The following LAMA2 variants were observed in gnomAD, a reference collection of about 807,000 sequenced individuals.
LAMA2 encodes laminin subunit alpha 2.
Under a neutral mutation model 364.8 loss-of-function variants are expected in LAMA2, and 269 were observed. That is an observed-to-expected ratio of 0.74 (90% CI 0.67 to 0.82). The LOEUF is 0.82. Ranked by LOEUF, LAMA2 falls within the 40% of genes least tolerant of loss-of-function variation. The pLI, the probability that LAMA2 is intolerant of heterozygous loss-of-function variation, is 0.00. For synonymous variants in LAMA2, 1,379 were observed against 1,370.6 expected, an observed-to-expected ratio of 1.01 and a Z score of -0.14; for missense variants, 3,807 against 3,873.2, an observed-to-expected ratio of 0.98 and a Z score of 0.45.
chr6:129,379,330 T>C (rs190124851), intron 34 of LAMA2, among the ~76,000 whole-genome samples: 29 of 152,080 alleles, frequency 1.9e-4, no homozygotes, highest in Non-Finnish European at 3.4e-4. Context: ...TGGGTTTTTT[T>C]TTTTTAACCT....
rs2784900 is a variant in LAMA2 at position 129,481,977 on chromosome 6, T to G, written c.7749+538T>G. ...ACAACCAACACAGACAGGGACAATT[T>G]TATCCCAATAGCATTCAAGGATGTT... On this transcript the variant is annotated intron_variant, in intron 55 of 64. Transcript: ENST00000421865. Among the ~76,000 whole-genome samples the G allele has an allele frequency of 3.3e-5, 5 of 152,016 alleles. No individual in the cohort carries two copies. In the South Asian group the frequency reaches 1.0e-3, roughly 32 times the overall value.
intron 12 of LAMA2, among the ~76,000 whole-genome samples, chr6:129,246,709 G>T (rs1785776775): frequency 6.6e-6 from 1 of 152,130 alleles, no homozygotes; most frequent in Admixed American, 6.6e-5. Flanking sequence ...CTTGGTAATG[G>T]ATTTGAAGGA....
At chr6:129,482,983 C>T (rs893280149) in intron 55 of LAMA2, among the ~76,000 whole-genome samples, 5 of 150,354 alleles carry the variant, frequency 3.3e-5, no homozygotes, top group African/African-American at 9.8e-5. Context: ...AGGAGAATTG[C>T]TTGAACCTGG....
chr6:129,481,489 G>A (rs1784346722), intron 55 of LAMA2, 50 bp downstream of exon 55: 1 of 1,441,102 alleles, frequency 6.9e-7, no homozygotes. Flanking sequence ...CTTATATAAA[G>A]CAGTTAACTT....
chr6:129,236,543 A>G (rs1157886834), intron 12 of LAMA2, among the ~76,000 whole-genome samples: 1 of 152,152 alleles, frequency 6.6e-6, no homozygotes, highest in Non-Finnish European at 1.5e-5. Context: ...CAAATATTTC[A>G]CCTCATTCAG....
chr6:129,172,253 G>T (rs1780222150), intron 9 of LAMA2, among the ~76,000 whole-genome samples: 1 of 152,072 alleles, frequency 6.6e-6, no homozygotes, highest in Admixed American at 6.5e-5. Flanking sequence ...GAGGCACTCT[G>T]CTTTTTAGAG....
At chr6:129,178,300 A>G (rs1780733539) in intron 10 of LAMA2, among the ~76,000 whole-genome samples, 3 of 152,182 alleles carry the variant, frequency 2.0e-5, no homozygotes, top group Admixed American at 6.5e-5. Flanking sequence ...TAAAATACTC[A>G]TTATATTCAA....
Position 129,165,673 on chromosome 6 carries a change from G to A in LAMA2, c.1304G>A (p.Arg435Gln), listed in dbSNP as rs867108117. Residue 435 changes from arginine (R) to glutamine (Q), a missense_variant and splice_region_variant, in exon 9 of 65, where the codon CGA (arginine) becomes CAA (glutamine). Transcript: ENST00000421865. ...GTCAAGGATGAGAAACATGCTCGAC[G>A]AGGTGAGAGCTGCAGCAGAATGTCA... ...VCVKDEKHAR[R>Q]GLAPGSCHCK... 6 of 1,593,758 alleles carry A rather than the reference G, an allele frequency of 3.8e-6. No individual in the cohort carries two copies. The highest frequency in any genetic ancestry group is 2.7e-5 in the African/African-American group (2 of 74,512).
At chr6:129,220,021 G>A (rs564236452) in intron 12 of LAMA2, among the ~76,000 whole-genome samples, 25 of 152,054 alleles carry the variant, frequency 1.6e-4, no homozygotes, top group South Asian at 4.2e-4. Context: ...AAAGTTCATC[G>A]TATGGATTGA....
At chr6:129,314,259 C>T (rs1162974918) in intron 23 of LAMA2, among the ~76,000 whole-genome samples, 3 of 152,084 alleles carry the variant, frequency 2.0e-5, no homozygotes, top group South Asian at 2.1e-4. Flanking sequence ...ATTAGCTGGG[C>T]GCGGTGGCGG....
chr6:129,292,692 T>C (rs777754743), intron 20 of LAMA2: 6 of 458,004 alleles, frequency 1.3e-5, no homozygotes, highest in Non-Finnish European at 1.7e-5. Context: ...ATTTCTCCGA[T>C]GTCAAACTGG....
intron 17 of LAMA2, among the ~76,000 whole-genome samples, chr6:129,278,199 C>T (rs1788460929): frequency 6.6e-6 from 1 of 152,134 alleles, no homozygotes; most frequent in Non-Finnish European, 1.5e-5. Context: ...AAGACTCTGT[C>T]TCAAATAAAA....
chr6:129,399,209 G>A (rs532707301), intron 37 of LAMA2, among the ~76,000 whole-genome samples: 38 of 152,306 alleles, frequency 2.5e-4, no homozygotes, highest in Middle Eastern at 6.8e-3. Context: ...CCACTCTGTA[G>A]AATATAATTC....
intron 29 of LAMA2, among the ~76,000 whole-genome samples, chr6:129,339,098 G>A (rs1776114675): frequency 2.4e-5 from 2 of 82,804 alleles, no homozygotes; most frequent in Admixed American, 1.1e-4. Context: ...TATGTTCATA[G>A]GATGATCACT....
At chr6:129,152,683 G>A (rs1778878023) in intron 7 of LAMA2, among the ~76,000 whole-genome samples, 1 of 152,154 alleles carries the variant, frequency 6.6e-6, no homozygotes, top group Non-Finnish European at 1.5e-5. Context: ...TGGCAAATAG[G>A]AAACTTTTCT....
intron 2 of LAMA2, among the ~76,000 whole-genome samples, chr6:129,051,133 A>G (rs1468048146): frequency 6.6e-6 from 1 of 150,602 alleles, no homozygotes; most frequent in Non-Finnish European, 1.5e-5. Flanking sequence ...ATCTGTATCT[A>G]TCTTTCTGAC....
intron 12 of LAMA2, among the ~76,000 whole-genome samples, chr6:129,217,103 C>T (rs951173264): frequency 2.6e-5 from 4 of 151,778 alleles, no homozygotes; most frequent in African/African-American, 7.3e-5. Flanking sequence ...GCAGGAGAAT[C>T]GCTTGAACCC....
At chr6:129,369,468 A>G (rs1200647790) in intron 33 of LAMA2, among the ~76,000 whole-genome samples, 1 of 151,834 alleles carries the variant, frequency 6.6e-6, no homozygotes, top group Non-Finnish European at 1.5e-5. Context: ...TTTACCTGTG[A>G]TCTGTGTCTC....
chr6:129,429,722 C>CCCTT (rs1448803878), intron 41 of LAMA2, among the ~76,000 whole-genome samples: 1 of 152,192 alleles, frequency 6.6e-6, no homozygotes, highest in Non-Finnish European at 1.5e-5. Context: ...CTATCTCATA[C>CCCTT]CCTTGCCCAG....
Sources: allele counts gnomAD v4.1 joint callset (sites outside exome capture counted in the v4.1 genomes callset), GRCh38; gene constraint gnomAD v4.1.1; transcripts MANE v1.5; gene names NCBI Gene and HGNC (gene_info 2026-07-23, HGNC 2026-07-21).